The following SGCZ variants were observed in gnomAD, a reference collection of about 807,000 sequenced individuals.
SGCZ encodes the protein zeta-sarcoglycan.
Under a neutral mutation model 41.3 loss-of-function variants are expected in SGCZ, and 40 were observed. The ratio of observed to expected loss-of-function variants is 0.97; its 90% confidence interval spans 0.75 to 1.26. SGCZ has a LOEUF of 1.26. SGCZ is among the 50% of genes most tolerant of loss of function. SGCZ has a pLI of 0.00. For missense variants in SGCZ, 552 were observed against 369.8 expected, an observed-to-expected ratio of 1.49 and a Z score of -4.04; for synonymous variants, 206 against 137.5, an observed-to-expected ratio of 1.50 and a Z score of -3.49.
At chr8:14,870,089 A>T (rs1804091009) in intron 1 of SGCZ, among the ~76,000 whole-genome samples, 1 of 152,338 alleles carries the variant, frequency 6.6e-6, no homozygotes, top group South Asian at 2.1e-4. Context: ...TTTAAATTTC[A>T]TATGGAACCA....
intron 1 of SGCZ, among the ~76,000 whole-genome samples, chr8:14,896,682 G>C (rs1446310088): frequency 6.6e-6 from 1 of 151,792 alleles, no homozygotes; most frequent in East Asian, 1.9e-4. Context: ...TCACCATGTT[G>C]GTCAAGGTAG....
intron 3 of SGCZ, among the ~76,000 whole-genome samples, chr8:14,306,965 C>A (rs563926526): frequency 8.9e-4 from 135 of 152,126 alleles, no homozygotes; most frequent in African/African-American, 3.1e-3. Flanking sequence ...TAGTTCTCAG[C>A]AAGAAATGAA....
intron 1 of SGCZ, among the ~76,000 whole-genome samples, chr8:14,982,034 C>G (rs530092122): frequency 1.3e-5 from 2 of 151,874 alleles, no homozygotes; most frequent in Admixed American, 6.6e-5. Flanking sequence ...CCTGTAATAC[C>G]AGCTACTCAG....
At chr8:14,536,584 G>C (rs930789907) in intron 2 of SGCZ, among the ~76,000 whole-genome samples, 3 of 151,624 alleles carry the variant, frequency 2.0e-5, no homozygotes, top group Admixed American at 6.6e-5. Context: ...TATAATTTAA[G>C]CCAACTGAAA....
chr8:14,827,239 T>A (rs1159026837), intron 1 of SGCZ, among the ~76,000 whole-genome samples: 1 of 146,282 alleles, frequency 6.8e-6, no homozygotes, highest in Non-Finnish European at 1.5e-5. Context: ...TTCTTTTCTT[T>A]TTTTTTTTTT....
intron 1 of SGCZ, among the ~76,000 whole-genome samples, chr8:15,199,281 C>A (rs552975586): frequency 6.6e-6 from 1 of 152,246 alleles, no homozygotes; most frequent in Non-Finnish European, 1.5e-5. Context: ...TGTGTGTGAT[C>A]TCAGTGATAG....
chr8:14,185,424 TA>T (rs1000272811), intron 4 of SGCZ, among the ~76,000 whole-genome samples: 1 of 151,656 alleles, frequency 6.6e-6, no homozygotes, highest in Non-Finnish European at 1.5e-5. Flanking sequence ...ATAAATAAAA[TA>T]AAAAAACAAA....
chr8:14,251,367 GA>G (rs1434089968), intron 3 of SGCZ, among the ~76,000 whole-genome samples: 1 of 152,188 alleles, frequency 6.6e-6, no homozygotes, highest in African/African-American at 2.4e-5. Context: ...TTATTTTCAA[GA>G]GACAGACAGA....
chr8:14,728,045 C>T (rs1239190974), intron 1 of SGCZ, among the ~76,000 whole-genome samples: 4 of 152,060 alleles, frequency 2.6e-5, no homozygotes, highest in Admixed American at 2.6e-4. Flanking sequence ...GAAGACTAGG[C>T]AAAATGTATC....
At chr8:14,112,418 G>A (rs927134548) in intron 5 of SGCZ, among the ~76,000 whole-genome samples, 5 of 152,026 alleles carry the variant, frequency 3.3e-5, no homozygotes, top group Non-Finnish European at 5.9e-5. Context: ...CAGCCCTATG[G>A]CACTTGACAG....
At chr8:14,551,587 A>G (rs1186730068) in intron 2 of SGCZ, among the ~76,000 whole-genome samples, 1 of 47,874 alleles carries the variant, frequency 2.1e-5, no homozygotes, top group Non-Finnish European at 3.3e-5. Context: ...TATAATATAT[A>G]TAATATATAT....
At chr8:14,883,832 T>C (rs559108202) in intron 1 of SGCZ, among the ~76,000 whole-genome samples, 1 of 151,664 alleles carries the variant, frequency 6.6e-6, no homozygotes, top group African/African-American at 2.4e-5. Context: ...GCTGTTGTTG[T>C]TGTTGTTTGT....
chr8:14,999,961 A>G (rs1283967064), intron 1 of SGCZ, among the ~76,000 whole-genome samples: 1 of 152,156 alleles, frequency 6.6e-6, no homozygotes, highest in Non-Finnish European at 1.5e-5. Context: ...CAGAATGCAT[A>G]CGTGGATGCT....
chr8:14,256,257 A>T (rs1053643473), intron 3 of SGCZ, among the ~76,000 whole-genome samples: 1 of 152,118 alleles, frequency 6.6e-6, no homozygotes, highest in African/African-American at 2.4e-5. Context: ...AGCCATCCTA[A>T]GAAAGATGTA....
intron 1 of SGCZ, among the ~76,000 whole-genome samples, chr8:14,701,466 C>G (rs1051092538): frequency 2.0e-5 from 3 of 151,980 alleles, no homozygotes; most frequent in African/African-American, 7.2e-5. Context: ...TCAATTACTT[C>G]TCTTCTCACC....
rs1006954837 is a variant in SGCZ, at chr8:14,757,627, G to A, written c.40-202701C>T. 6.6e-5 allele frequency among the ~76,000 whole-genome samples: 10 copies of A among 152,240 alleles called. No individual in the cohort carries two copies. In the East Asian group the frequency reaches 9.7e-4, roughly 15 times the overall value. Reference sequence around the variant, plus strand: ...GCCAGATCAAGTTGTTCTGAGTACCGGGTAGCATGATAGAGAAAAGAAACA... The same window carrying A: ...GCCAGATCAAGTTGTTCTGAGTACCAGGTAGCATGATAGAGAAAAGAAACA... On this transcript the variant is annotated intron_variant, in intron 1 of 7. Coordinates refer to ENST00000382080, the MANE Select transcript of SGCZ (RefSeq NM_139167.4).
intron 1 of SGCZ, among the ~76,000 whole-genome samples, chr8:14,620,821 A>G (rs1433521394): frequency 1.3e-5 from 2 of 152,304 alleles, no homozygotes; most frequent in East Asian, 3.9e-4. Context: ...AGAAATAGGA[A>G]CACTTTTACA....
chr8:14,433,038 T>G (rs1799990791), intron 2 of SGCZ, among the ~76,000 whole-genome samples: 1 of 143,284 alleles, frequency 7.0e-6, no homozygotes, highest in Admixed American at 6.9e-5. Context: ...AACTTAAAAA[T>G]GAAAAGCAAA....
intron 5 of SGCZ, among the ~76,000 whole-genome samples, chr8:14,128,718 T>TACAC (rs144594296): frequency 6.0e-5 from 9 of 150,280 alleles, no homozygotes; most frequent in African/African-American, 1.7e-4. Context: ...TATATACATA[T>TACAC]ACACACACAC....
Sources: allele counts gnomAD v4.1 joint callset (sites outside exome capture counted in the v4.1 genomes callset), GRCh38; gene constraint gnomAD v4.1.1; transcripts MANE v1.5; gene names NCBI Gene and HGNC (gene_info 2026-07-23, HGNC 2026-07-21).